RGS5: variants seen among roughly 807,000 people sequenced by gnomAD.
RGS5 encodes the protein regulator of G protein signaling 5, also known as regulator of G-protein signalling 5.
A neutral mutation model predicts 18.9 loss-of-function variants in RGS5; 20 were observed. The observed-to-expected ratio is 1.06, with a 90% CI of 0.74 to 1.54. The LOEUF (loss-of-function observed/expected upper bound fraction) is 1.54, where lower values mean the gene tolerates loss of function less well. RGS5 is among the 40% of genes most tolerant of loss of function. The pLI is 0.00. For missense variants in RGS5, 201 were observed against 211.8 expected (o/e 0.95, Z 0.32); for synonymous variants, 57 against 76.2 (o/e 0.75, Z 1.31).
chr1:163,149,805 T>C (rs539286715), intron 4 of RGS5, among the ~76,000 whole-genome samples: 1 of 152,250 alleles, frequency 6.6e-6, no homozygotes, highest in South Asian at 2.1e-4. Context: ...AGGTCTTATA[T>C]AGGTCAATTT....
intron 1 of RGS5, among the ~76,000 whole-genome samples, chr1:163,307,726 T>C (rs1308614807): frequency 1.3e-5 from 2 of 152,150 alleles, no homozygotes; most frequent in Non-Finnish European, 2.9e-5. Flanking sequence ...ATACTACTCA[T>C]CACTGAAGTA....
intron 2 of RGS5, among the ~76,000 whole-genome samples, chr1:163,265,772 C>T (rs1648559438): frequency 6.6e-6 from 1 of 152,106 alleles, no homozygotes; most frequent in Admixed American, 6.6e-5. Flanking sequence ...AACTTTTCCA[C>T]ATAATCATCT....
intron 1 of RGS5, among the ~76,000 whole-genome samples, chr1:163,175,308 G>A (rs1029111338): frequency 6.6e-6 from 1 of 152,120 alleles, no homozygotes; most frequent in African/African-American, 2.4e-5. Flanking sequence ...AGGGCCCAGA[G>A]GGTCCCTGCG....
chr1:163,219,459 A>T (rs1660289632), upstream of RGS5, among the ~76,000 whole-genome samples: 1 of 152,174 alleles, frequency 6.6e-6, no homozygotes, highest in Non-Finnish European at 1.5e-5. Flanking sequence ...ATTATAAAAA[A>T]TGTGATCTGG....
At chr1:163,309,538 A>G (rs1263519671) in intron 1 of RGS5, among the ~76,000 whole-genome samples, 1 of 151,996 alleles carries the variant, frequency 6.6e-6, no homozygotes, top group Non-Finnish European at 1.5e-5. Context: ...CTCGTCATCC[A>G]TTCAAGTTTT....
chr1:163,167,190 G>T (rs998005806), intron 2 of RGS5, among the ~76,000 whole-genome samples: 1 of 152,172 alleles, frequency 6.6e-6, no homozygotes, highest in African/African-American at 2.4e-5. Flanking sequence ...TTGGACAAAG[G>T]ACAGGCTGGC....
chr1:163,163,735 A>G (rs1270401531), intron 2 of RGS5, among the ~76,000 whole-genome samples: 1 of 152,198 alleles, frequency 6.6e-6, no homozygotes, highest in East Asian at 1.9e-4. Context: ...GACACCCACC[A>G]AGTCCCTATT....
chr1:163,205,406 GA>G (rs1659928835), upstream of RGS5, among the ~76,000 whole-genome samples: 1 of 143,682 alleles, frequency 7.0e-6, no homozygotes, highest in African/African-American at 2.5e-5. Flanking sequence ...TTTGAAGTCT[GA>G]AAAAATAAAT....
chr1:163,215,264 A>G (rs1249527025), intron 1 of RGS5, among the ~76,000 whole-genome samples: 1 of 152,206 alleles, frequency 6.6e-6, no homozygotes, highest in Non-Finnish European at 1.5e-5. Context: ...AATGGTAGAA[A>G]GCAAGTGTTC....
intron 3 of RGS5, among the ~76,000 whole-genome samples, chr1:163,158,758 T>A (rs1423661858): frequency 6.6e-6 from 1 of 151,986 alleles, no homozygotes; most frequent in African/African-American, 2.4e-5. Context: ...GCTAATGAAG[T>A]TTCGGGCACG....
At chr1:163,295,533 T>C (rs967100402) in intron 2 of RGS5, among the ~76,000 whole-genome samples, 2 of 152,226 alleles carry the variant, frequency 1.3e-5, no homozygotes, top group African/African-American at 4.8e-5. Flanking sequence ...AGGTGGCTGA[T>C]TTTAACCTTG....
chr1:163,235,874 C>A (rs898957531), intron 2 of RGS5, among the ~76,000 whole-genome samples: 1 of 152,178 alleles, frequency 6.6e-6, no homozygotes, highest in Non-Finnish European at 1.5e-5. Context: ...AGGTTTCTCT[C>A]TACTTTAGAC....
chr1:163,299,776 C>A (rs764739127), intron 2 of RGS5, among the ~76,000 whole-genome samples: 12 of 152,128 alleles, frequency 7.9e-5, no homozygotes, highest in Non-Finnish European at 1.8e-4. Flanking sequence ...ACCACAGTTT[C>A]TGAGGAAAAA....
chr1:163,295,984 A>AT (rs2101728770), intron 2 of RGS5, among the ~76,000 whole-genome samples: 1 of 152,302 alleles, frequency 6.6e-6, no homozygotes, highest in South Asian at 2.1e-4. Flanking sequence ...AGGAAAAAAA[A>AT]TTTATCAAGC....
At chr1:163,232,247 A>C (rs577117014) in intron 2 of RGS5, among the ~76,000 whole-genome samples, 2 of 152,184 alleles carry the variant, frequency 1.3e-5, no homozygotes, top group South Asian at 4.1e-4. Context: ...AGTAGAAGCA[A>C]TTTTCTGAAT....
intron 2 of RGS5, among the ~76,000 whole-genome samples, chr1:163,268,617 C>T (rs556233441): frequency 1.3e-5 from 2 of 152,132 alleles, no homozygotes; most frequent in South Asian, 4.2e-4. Context: ...ACCAATATTC[C>T]CCCTGTCCTA....
At chr1:163,276,978 C>A (rs1648873419) in intron 2 of RGS5, among the ~76,000 whole-genome samples, 1 of 152,138 alleles carries the variant, frequency 6.6e-6, no homozygotes, top group African/African-American at 2.4e-5. Context: ...TTTTGGACTT[C>A]AGAAAAAGCT....
intron 2 of RGS5, among the ~76,000 whole-genome samples, chr1:163,272,046 C>CTT (rs1648733386): frequency 6.6e-6 from 1 of 151,704 alleles, no homozygotes; most frequent in South Asian, 2.1e-4. Flanking sequence ...CCCTCTCTCT[C>CTT]TCTTTTTCTT....
intron 1 of RGS5, among the ~76,000 whole-genome samples, chr1:163,193,883 A>C (rs1207194957): frequency 1.3e-5 from 2 of 152,176 alleles, no homozygotes; most frequent in Admixed American, 6.5e-5. Context: ...AACATTCAGA[A>C]GGGCAGGAGT....
Sources: gnomAD v4.1 joint callset for allele counts (sites outside exome capture counted in the v4.1 genomes callset) on GRCh38, gnomAD v4.1.1 for gene constraint, MANE v1.5 for transcripts, NCBI Gene and HGNC (gene_info 2026-07-23, HGNC 2026-07-21) for gene names.